Variants in VPS8 observed in about 807,000 individuals in gnomAD.
The protein encoded by VPS8 is vacuolar protein sorting-associated protein 8 homolog.
A neutral mutation model predicts 216.4 loss-of-function variants in VPS8; 129 were observed. The ratio of observed to expected loss-of-function variants is 0.60; its 90% CI spans 0.52 to 0.69. The LOEUF (loss-of-function observed/expected upper bound fraction) is 0.69. Among genes scored for constraint, VPS8 ranks in the 30% least tolerant of loss-of-function variants. The pLI is 0.00. For synonymous variants in VPS8, 571 were observed against 565.4 expected, an observed-to-expected ratio of 1.01 and a Z score of -0.14; for missense variants, 1,531 against 1,683.5, an observed-to-expected ratio of 0.91 and a Z score of 1.59.
intron 23 of VPS8, among the ~76,000 whole-genome samples, chr3:184,895,353 A>G (rs1004504658): frequency 1.3e-5 from 2 of 151,886 alleles, no homozygotes; most frequent in Non-Finnish European, 2.9e-5. Flanking sequence ...ATGCCATTTT[A>G]AAAAAGAGCT....
At chr3:185,035,466 A>G (rs1758755546) in intron 46 of VPS8, among the ~76,000 whole-genome samples, 1 of 152,206 alleles carries the variant, frequency 6.6e-6, no homozygotes, top group Non-Finnish European at 1.5e-5. Context: ...ATGCAAATGA[A>G]TAAATGTGAT....
In VPS8 at chr3:185,017,691, G is replaced by A. The variant is rs150679935; in HGVS notation, c.4003-6645G>A. On this transcript the variant is annotated intron_variant, in intron 45 of 47. Coordinates refer to ENST00000625842, the MANE Select transcript of VPS8 (RefSeq NM_001009921.3). ...ACAGAGCCCTGTTGGGACCTTTTGC[G>A]GGGGTTCCCAGGCAGAAGGCTCACA... Among the ~76,000 whole-genome samples the A allele has an allele frequency of 2.7e-3, 412 of 152,290 alleles. 1 individual carries two copies. The highest frequency in any genetic ancestry group is 4.9e-3 in the Non-Finnish European group (334 of 68,034).
At chr3:184,957,200 T>C (rs1276099357) in intron 36 of VPS8, among the ~76,000 whole-genome samples, 174 bp from the exon 37 acceptor site, 4 of 152,238 alleles carry the variant, frequency 2.6e-5, no homozygotes, top group African/African-American at 7.2e-5. Context: ...TCTTATGTAA[T>C]GTACAGTTTG....
chr3:184,832,591 A>G (rs1219740573), intron 3 of VPS8, 98 bp from the exon 4 acceptor site: 4 of 1,075,698 alleles, frequency 3.7e-6, no homozygotes, highest in Non-Finnish European at 5.2e-6. Context: ...AAAAGCAGAA[A>G]TAAGCACTTG....
intron 42 of VPS8, among the ~76,000 whole-genome samples, chr3:184,985,094 C>T (rs1750865578): frequency 6.6e-6 from 1 of 152,118 alleles, no homozygotes; most frequent in Non-Finnish European, 1.5e-5. Flanking sequence ...TTTGTGATTA[C>T]TGTAATTATG....
At chr3:184,995,474 G>A (rs1364726524) in intron 43 of VPS8, among the ~76,000 whole-genome samples, 1 of 152,152 alleles carries the variant, frequency 6.6e-6, no homozygotes, top group Admixed American at 6.5e-5. Context: ...TATGGAAGAG[G>A]AGAAAAAGAT....
At chr3:184,913,678 A>G (rs2109075265) in intron 26 of VPS8, 117 bp downstream of exon 26, 2 of 794,762 alleles carry the variant, frequency 2.5e-6, no homozygotes, top group Non-Finnish European at 3.7e-6. Flanking sequence ...CAATTCTTTT[A>G]TGTAGAGCAG....
At chr3:185,047,284 C>T (rs12629544) in intron 46 of VPS8, among the ~76,000 whole-genome samples, 72,981 of 152,092 alleles carry the variant, frequency 0.48, 17,837 homozygotes, top group East Asian at 0.67. Flanking sequence ...GCATCTGCTA[C>T]GTGTTCTGTG....
chr3:184,845,218 G>A (rs1256401955), intron 8 of VPS8, among the ~76,000 whole-genome samples: 1 of 152,086 alleles, frequency 6.6e-6, no homozygotes. Flanking sequence ...CTTCTGTCCA[G>A]GTCATTTTGT....
intron 3 of VPS8, among the ~76,000 whole-genome samples, chr3:184,829,011 T>G (rs1349932325): frequency 6.6e-6 from 1 of 152,242 alleles, no homozygotes; most frequent in Non-Finnish European, 1.5e-5. Flanking sequence ...TTCTGACTTC[T>G]TTCCCTTAAT....
At chr3:184,950,171 G>A (rs1744410645) in intron 36 of VPS8, among the ~76,000 whole-genome samples, 2 of 141,078 alleles carry the variant, frequency 1.4e-5, no homozygotes, top group South Asian at 4.8e-4. Context: ...GCCTCCCAAA[G>A]TGCTGGGATT....
At chr3:184,871,872 GT>G (rs1728415188) in intron 21 of VPS8, among the ~76,000 whole-genome samples, 1 of 152,142 alleles carries the variant, frequency 6.6e-6, no homozygotes, top group Admixed American at 6.5e-5. Context: ...AGATATGGCA[GT>G]TAAGAGTTGG....
At chr3:184,821,298 A>AG (rs1717530611) in intron 1 of VPS8, among the ~76,000 whole-genome samples, 1 of 152,084 alleles carries the variant, frequency 6.6e-6, no homozygotes, top group Non-Finnish European at 1.5e-5. Context: ...CTAACTTCAT[A>AG]GAAGACTAGA....
chr3:184,895,618 C>A, intron 23 of VPS8, among the ~76,000 whole-genome samples: 1 of 7,882 alleles, frequency 1.3e-4, no homozygotes, highest in Non-Finnish European at 4.7e-4. Context: ...CCTCCTCCCC[C>A]CCTCCTCCTC....
chr3:184,878,330 C>T (rs4686850), intron 21 of VPS8, among the ~76,000 whole-genome samples: 10,175 of 152,160 alleles, frequency 0.067, 413 homozygotes, highest in Non-Finnish European at 0.089. Flanking sequence ...AGGCTGGTCT[C>T]AAACTTCTGA....
intron 21 of VPS8, among the ~76,000 whole-genome samples, chr3:184,876,396 T>C (rs1729287108): frequency 6.6e-6 from 1 of 152,092 alleles, no homozygotes; most frequent in African/African-American, 2.4e-5. Context: ...TCAGACTCTC[T>C]GGGATTGGTG....
At chr3:184,963,766 T>C (rs1746934460) in intron 37 of VPS8, among the ~76,000 whole-genome samples, 1 of 152,198 alleles carries the variant, frequency 6.6e-6, no homozygotes, top group African/African-American at 2.4e-5. Flanking sequence ...TTTTGGTAGA[T>C]AATTTTTATT....
At chr3:185,017,728 G>A (rs1412610483) in intron 45 of VPS8, among the ~76,000 whole-genome samples, 1 of 152,228 alleles carries the variant, frequency 6.6e-6, no homozygotes, top group Non-Finnish European at 1.5e-5. Context: ...CTTTTGTGCA[G>A]CGTAAATCTA....
intron 5 of VPS8, 27 bp downstream of exon 5, chr3:184,834,769 C>A: frequency 6.6e-7 from 1 of 1,508,426 alleles, no homozygotes; most frequent in Non-Finnish European, 9.0e-7. Flanking sequence ...TTTCCCTCAA[C>A]TTTGTAACCT....
Sources: gnomAD v4.1 joint callset for allele counts (sites outside exome capture counted in the v4.1 genomes callset) on GRCh38, gnomAD v4.1.1 for gene constraint, MANE v1.5 for transcripts, NCBI Gene and HGNC (gene_info 2026-07-23, HGNC 2026-07-21) for gene names.